PCDHA3: variants seen among roughly 807,000 people sequenced by gnomAD.
PCDHA3 encodes the protein protocadherin alpha 3.
PCDHA3 carries 41 observed loss-of-function variants against 62.2 expected under a neutral mutation model. That is an observed-to-expected ratio of 0.66 (90% confidence interval 0.51 to 0.86). PCDHA3 has a LOEUF of 0.86. PCDHA3 is among the 40% of genes least tolerant of loss of function. PCDHA3 has a pLI of 0.00. For missense variants in PCDHA3, 1,304 were observed against 1,241.2 expected (o/e 1.05, Z -0.76); for synonymous variants, 640 against 555.4 (o/e 1.15, Z -2.14).
chr5:140,816,370 C>T (rs1765892355), intron 1 of PCDHA3: 1 of 152,098 alleles, frequency 6.6e-6, no homozygotes, highest in South Asian at 2.1e-4. Context: ...TGAATATTTT[C>T]TATCTGCTGA....
chr5:140,828,245 C>T (rs2150153040), intron 1 of PCDHA3: 1 of 1,613,956 alleles, frequency 6.2e-7, no homozygotes, highest in East Asian at 2.2e-5. Context: ...CGCGCAGGAC[C>T]TGGGGCTGGA....
intron 1 of PCDHA3, among the ~76,000 whole-genome samples, chr5:140,909,441 C>T (rs971678951): frequency 6.6e-6 from 1 of 152,214 alleles, no homozygotes; most frequent in Non-Finnish European, 1.5e-5. Context: ...AATCCACTGT[C>T]ATTCTCCAAG....
chr5:140,850,133 C>T, intron 1 of PCDHA3: 1 of 1,595,806 alleles, frequency 6.3e-7, no homozygotes, highest in Non-Finnish European at 8.6e-7. Flanking sequence ...CGCCTCTGGG[C>T]AGCAACGTGA....
intron 1 of PCDHA3, among the ~76,000 whole-genome samples, chr5:140,838,065 TTATA>T (rs144773480): frequency 1.1e-4 from 12 of 113,362 alleles, no homozygotes; most frequent in Admixed American, 1.8e-4. Context: ...CCACTTTAAG[TTATA>T]TATATATAGT....
intron 1 of PCDHA3, chr5:140,927,060 CT>C: frequency 1.2e-6 from 2 of 1,611,446 alleles, no homozygotes; most frequent in Non-Finnish European, 1.7e-6. Context: ...GGAACTTTCG[CT>C]TCCTTTCCAG....
At chr5:140,991,595 C>G (rs181014489) in intron 3 of PCDHA3, among the ~76,000 whole-genome samples, 1 of 152,328 alleles carries the variant, frequency 6.6e-6, no homozygotes, top group African/African-American at 2.4e-5. Flanking sequence ...TACCTGAGCC[C>G]TCACTGGCAG....
chr5:140,858,585 T>C, intron 1 of PCDHA3: 1 of 1,345,266 alleles, frequency 7.4e-7, no homozygotes, highest in Non-Finnish European at 1.0e-6. Context: ...GTAATATAAT[T>C]TATTCCAGGA....
chr5:140,830,654 A>T (rs1554132964), intron 1 of PCDHA3: 1 of 436,460 alleles, frequency 2.3e-6, no homozygotes, highest in African/African-American at 2.1e-5. Context: ...TTTAATATTC[A>T]TAATTTAAGT....
At position 140,838,280 on chromosome 5, in the gene PCDHA3, A is replaced by ATTTTTT. The variant is rs34299325; in HGVS notation, c.2394+34699_2394+34704dup. On this transcript the variant is annotated intron_variant, in intron 1 of 3. Transcript: ENST00000522353. ...AGACGCCAACAACCAAGCCATGCTA[A>ATTTTTT]TTTTTTTTTTTTTTTGTATTTTTAG... is the stretch of plus-strand genomic sequence containing the variant. 3.0e-3 allele frequency among the ~76,000 whole-genome samples: 422 copies of ATTTTTT among 139,576 alleles called. 11 individuals are homozygous for ATTTTTT. Among genetic ancestry groups the ATTTTTT allele is most frequent in the African/African-American group, 0.011 (409 of 36,774 alleles). The allele number at this position is 139,576 out of a possible 152,430, so 91.6% of individuals were successfully genotyped here.
At chr5:140,835,526 C>T in intron 1 of PCDHA3, 1 of 1,613,946 alleles carries the variant, frequency 6.2e-7, no homozygotes. Context: ...ATTTTGGAGT[C>T]AACGGACAGG....
At chr5:140,843,631 G>T (rs2150363915) in intron 1 of PCDHA3, 1 of 1,595,994 alleles carries the variant, frequency 6.3e-7, no homozygotes, top group East Asian at 2.2e-5. Flanking sequence ...CGGACCTCAT[G>T]GCCTTCAGCC....
chr5:140,836,453 G>T, intron 1 of PCDHA3: 1 of 1,613,854 alleles, frequency 6.2e-7, no homozygotes, highest in Non-Finnish European at 8.5e-7. Flanking sequence ...CAGGCCCAGA[G>T]ACCGAGCTGG....
rs560247030 is a variant in PCDHA3, at chr5:140,910,414, C to T, written c.2395-68535C>T. On this transcript the variant is annotated intron_variant, in intron 1 of 3. Transcript: ENST00000522353. ...GACTGGCCCCTGCCACCTCGAGATC[C>T]AATTATTCCCATTGCATTTAAGTTT... Among the ~76,000 whole-genome samples the T allele has an allele frequency of 2.6e-5, 4 of 152,258 alleles. No individual in the cohort carries two copies. In the East Asian group the frequency reaches 5.8e-4, roughly 22 times the overall value.
At chr5:140,869,139 A>C (rs2050869640) in intron 1 of PCDHA3, 1 of 1,613,156 alleles carries the variant, frequency 6.2e-7, no homozygotes, top group Admixed American at 1.7e-5. Flanking sequence ...TGGGCACCCC[A>C]CGACTACAGC....
rs2150098018 is a variant in PCDHA3, at chr5:140,817,392, G to A, written c.2394+13801G>A. 3 of 152,162 alleles carry A rather than the reference G, an allele frequency of 2.0e-5. No homozygotes were observed. In the East Asian group the frequency reaches 5.8e-4, roughly 29 times the overall value. 9.4% of individuals were successfully genotyped at this position (152,162 alleles called of 1,614,324 possible). On this transcript the variant is annotated intron_variant, in intron 1 of 3. Coordinates refer to ENST00000522353, the MANE Select transcript of PCDHA3 (RefSeq NM_018906.3). The stretch of plus-strand genomic sequence containing the variant: ...TCGGCACTTATCACCATGGGAATTG[G>A]TCCTTGTATTGTTGTTGAGTTGGTA...
At chr5:140,924,901 A>AAAAAT (rs10667761) in intron 1 of PCDHA3, among the ~76,000 whole-genome samples, 10,380 of 79,870 alleles carry the variant, frequency 0.13, 426 homozygotes, top group East Asian at 0.37. Context: ...TCTCAAAAAA[A>AAAAAT]AAAATAAAAT....
At chr5:140,936,773 C>T (rs916525557) in intron 1 of PCDHA3, among the ~76,000 whole-genome samples, 3 of 152,280 alleles carry the variant, frequency 2.0e-5, no homozygotes, top group African/African-American at 7.2e-5. Context: ...TGTAAGTTCT[C>T]TCACTTTGTT....
chr5:140,815,428 T>C (rs1337784289), intron 1 of PCDHA3: 3 of 152,136 alleles, frequency 2.0e-5, no homozygotes, highest in Non-Finnish European at 2.9e-5. Context: ...TTTAAACTGA[T>C]AGCATCTTTA....
chr5:140,951,141 T>G (rs2094552248), intron 1 of PCDHA3, among the ~76,000 whole-genome samples: 1 of 100,612 alleles, frequency 9.9e-6, no homozygotes, highest in Non-Finnish European at 2.0e-5. Context: ...TTCCTTTATC[T>G]TATTGAATAT....
Sources: gnomAD v4.1 joint callset for allele counts (sites outside exome capture counted in the v4.1 genomes callset) on GRCh38, gnomAD v4.1.1 for gene constraint, MANE v1.5 for transcripts, NCBI Gene and HGNC (gene_info 2026-07-23, HGNC 2026-07-21) for gene names.